The following NXF1 variants were observed in gnomAD, a reference collection of about 807,000 sequenced individuals.
NXF1 encodes the protein mRNA export factor TAP.
Under a neutral mutation model 92.4 loss-of-function variants are expected in NXF1, and 43 were observed. That is an observed-to-expected ratio of 0.47 (90% CI 0.36 to 0.60). The LOEUF is 0.60. NXF1 is among the 20% of genes least tolerant of loss of function. NXF1 has a pLI of 0.00. For missense variants in NXF1, 576 were observed against 793.0 expected, an observed-to-expected ratio of 0.73 and a Z score of 3.29; for synonymous variants, 288 against 292.2, an observed-to-expected ratio of 0.99 and a Z score of 0.15.
chr11:62,793,082 CTT>C (rs5792271), intron 19 of NXF1, among the ~76,000 whole-genome samples: 15 of 140,396 alleles, frequency 1.1e-4, no homozygotes, highest in Admixed American at 1.4e-4. Flanking sequence ...TTTCTGTTTG[CTT>C]TTTTTTTTTT....
Position 62,798,471 on chromosome 11 carries a change from A to T in NXF1, c.1053+68T>A, listed in dbSNP as rs1729337353. The T allele has an allele frequency of 5.8e-6, 9 of 1,563,978 alleles. No homozygotes were observed. In the South Asian group the frequency reaches 8.4e-5, roughly 15 times the overall value. On this transcript the variant is annotated intron_variant, in intron 11 of 20. Coordinates refer to ENST00000294172, the MANE Select transcript of NXF1 (RefSeq NM_006362.5). ...AAAAAGAAAAAGAAAAAGAAAAAGA[A>T]ACCTATCCAGGAATCCTTGTGAGTG...
chr11:62,796,626 C>G, intron 13 of NXF1, 59 bp from the exon 14 acceptor site: 1 of 1,134,730 alleles, frequency 8.8e-7, no homozygotes, highest in Non-Finnish European at 1.3e-6. Flanking sequence ...TACAAGGACC[C>G]AGTAGCTCCC....
intron 19 of NXF1, among the ~76,000 whole-genome samples, chr11:62,793,790 T>C (rs1184640819): frequency 7.5e-6 from 1 of 133,724 alleles, no homozygotes; most frequent in Non-Finnish European, 1.5e-5. Flanking sequence ...GAGACCAGCC[T>C]GGCCAACATG....
In NXF1 at chr11:62,803,986, TAGAAAC is replaced by T; in HGVS notation, c.29-14_29-9del. 6.2e-7 allele frequency: 1 copy of T among 1,611,604 alleles called. No homozygotes were observed. Among genetic ancestry groups the T allele is most frequent in the Non-Finnish European group, 8.5e-7 (1 of 1,179,312 alleles). On this transcript the variant is annotated splice_polypyrimidine_tract_variant and intron_variant, in intron 1 of 20. Transcript: ENST00000294172. ...CGCGTTCATCATCGTGTTCTAGAGT[TAGAAAC>T]AGGAACACAAATTAGAAGTAAGTAA...
chr11:62,797,460 G>A (rs771562384), intron 11 of NXF1, 74 bp from the exon 12 acceptor site: 30 of 1,361,136 alleles, frequency 2.2e-5, no homozygotes, highest in Middle Eastern at 2.6e-4. Flanking sequence ...AGAACTTTGG[G>A]AGGCCGAGGC....
Position 62,804,949 on chromosome 11 carries a change from G to A in NXF1, c.28+380C>T, listed in dbSNP as rs201668206. Among the ~76,000 whole-genome samples, 14 of 152,266 alleles carry A rather than the reference G, an allele frequency of 9.2e-5. No homozygotes were observed. The East Asian group carries it at 2.3e-3, about 25-fold the overall frequency. ...GAATATTAAGCCAAAGCCCAGGCCCGAGAGTTCAAGACCGACTGGACGCAG... is the reference window on the plus strand; with the variant it reads ...GAATATTAAGCCAAAGCCCAGGCCCAAGAGTTCAAGACCGACTGGACGCAG... On this transcript the variant is annotated intron_variant, in intron 1 of 20. Coordinates refer to ENST00000294172, the MANE Select transcript of NXF1 (RefSeq NM_006362.5).
intron 19 of NXF1, among the ~76,000 whole-genome samples, chr11:62,794,029 A>G (rs1346619567): frequency 2.0e-5 from 3 of 151,116 alleles, no homozygotes; most frequent in Non-Finnish European, 4.4e-5. Context: ...AAATAAAATA[A>G]GGTGGCACAT....
At chr11:62,795,499 C>T (rs1272924450) in intron 17 of NXF1, 5 of 253,560 alleles carry the variant, frequency 2.0e-5, no homozygotes, top group Non-Finnish European at 2.3e-5. Flanking sequence ...ACTACTAATC[C>T]ACTGATAGCA....
rs2134759923 is a variant in NXF1, at chr11:62,795,020, C to G, written c.1505-13G>C. On this transcript the variant is annotated splice_polypyrimidine_tract_variant and intron_variant, in intron 17 of 20. Coordinates refer to ENST00000294172, the MANE Select transcript of NXF1 (RefSeq NM_006362.5). The stretch of plus-strand genomic sequence containing the variant: ...GACTTTCCGTCCACTGCAATAAGAA[C>G]AGCAACAACACCTTAGGGTCACTAG... 6.2e-7 allele frequency: 1 copy of G among 1,613,164 alleles called. No individual in the cohort carries two copies. The highest frequency in any genetic ancestry group is 1.7e-5 in the Admixed American group (1 of 60,014).
At chr11:62,801,045 C>T (rs1349288244) in intron 9 of NXF1, 49 bp downstream of exon 9, 2 of 1,390,074 alleles carry the variant, frequency 1.4e-6, no homozygotes, top group Admixed American at 1.7e-5. Flanking sequence ...AAACTCTCTA[C>T]ACCCTCTACC....
intron 3 of NXF1, among the ~76,000 whole-genome samples, chr11:62,803,048 C>T (rs1176140954): frequency 2.6e-5 from 4 of 152,094 alleles, no homozygotes; most frequent in African/African-American, 7.2e-5. Context: ...GGGCTGGGTG[C>T]GGTGGCTCAT....
chr11:62,792,670 T>G lies in NXF1; in HGVS notation c.1792A>C (p.Arg598=). The G allele has an allele frequency of 6.2e-7, 1 of 1,614,202 alleles. No homozygotes were observed. Residue 598 remains arginine, a synonymous_variant, in exon 20 of 21, where the codon AGA becomes CGA. Coordinates refer to ENST00000294172, the MANE Select transcript of NXF1 (RefSeq NM_006362.5). ...CLQDNNWDYT[R]SAQAFTHLKA... ...AGATGAGTGAAGGCCTGGGCAGATC[T>G]GGTGTAGTCCCAGTTGTTGTCCTGA...
In NXF1 at chr11:62,800,374, G is replaced by C. The variant is rs2084465912; in HGVS notation, c.1016+3C>G. On this transcript the variant is annotated splice_donor_region_variant and intron_variant, in intron 10 of 20. Coordinates refer to ENST00000294172, the MANE Select transcript of NXF1 (RefSeq NM_006362.5). ...AGGAGGGGAGACACAGGCTACAACT[G>C]ACCTGATGTAGGTGGACTGGTCTCG... 6.8e-6 allele frequency: 11 copies of C among 1,613,936 alleles called. No homozygotes were observed. Among genetic ancestry groups the C allele is most frequent in the Non-Finnish European group, 8.5e-6 (10 of 1,179,976 alleles).
At chr11:62,797,089 C>CA in intron 13 of NXF1, 94 bp downstream of exon 13, 3 of 825,246 alleles carry the variant, frequency 3.6e-6, no homozygotes, top group Non-Finnish European at 5.5e-6. Context: ...AAAAACAAAA[C>CA]AAAAAACAAA....
At chr11:62,805,235 C>G in intron 1 of NXF1, 94 bp downstream of exon 1, 3 of 1,289,574 alleles carry the variant, frequency 2.3e-6, no homozygotes, top group East Asian at 6.0e-5. Context: ...CGCCGGGCCC[C>G]TAGCGGCCTC....
chr11:62,799,645 A>AG (rs1474873251), intron 10 of NXF1: 1 of 985,602 alleles, frequency 1.0e-6, no homozygotes, highest in East Asian at 1.1e-4. Flanking sequence ...AGCGCCCCCG[A>AG]GGGGGTCAGT....
In NXF1 at chr11:62,800,369, C is replaced by T. The variant is rs908368349; in HGVS notation, c.1016+8G>A. 8.7e-6 allele frequency: 14 copies of T among 1,614,052 alleles called. No homozygotes were observed. The highest frequency in any genetic ancestry group is 1.3e-5 in the African/African-American group (1 of 75,032). On this transcript the variant is annotated splice_region_variant and intron_variant, in intron 10 of 20. Transcript: ENST00000294172. ...TCCCCAGGAGGGGAGACACAGGCTA[C>T]AACTGACCTGATGTAGGTGGACTGG...
In NXF1 at chr11:62,803,939, T is replaced by C. The variant is rs1202837967; in HGVS notation, c.68A>G (p.Lys23Arg). ...DERVNFPQRK[K>R]KGRGPFRWKY... is the part of the protein sequence containing the mutation. ...CCACCGGAAGGGACCCCGGCCTTTCTTCTTTCTTTGAGGGAAATTAACGCG... is the reference window on the plus strand; with the variant it reads ...CCACCGGAAGGGACCCCGGCCTTTCCTCTTTCTTTGAGGGAAATTAACGCG... The change falls in exon 2 of 21, where the codon AAG (lysine) becomes AGG (arginine). Residue 23 changes from lysine (K) to arginine (R), a missense_variant. Coordinates refer to ENST00000294172, the MANE Select transcript of NXF1 (RefSeq NM_006362.5). 2 of 1,614,104 alleles carry C rather than the reference T, an allele frequency of 1.2e-6. No individual in the cohort carries two copies. Among genetic ancestry groups the C allele is most frequent in the East Asian group, 2.2e-5 (1 of 44,888 alleles).
At chr11:62,803,762 A>C in intron 2 of NXF1, 30 bp downstream of exon 2, 2 of 1,603,888 alleles carry the variant, frequency 1.2e-6, no homozygotes, top group South Asian at 2.2e-5. Flanking sequence ...ATGAGCCACT[A>C]AATTCAAACC....
Sources: allele counts gnomAD v4.1 joint callset (sites outside exome capture counted in the v4.1 genomes callset), GRCh38; gene constraint gnomAD v4.1.1; transcripts MANE v1.5; gene names NCBI Gene and HGNC (gene_info 2026-07-23, HGNC 2026-07-21).